Variants in KCNQ5 observed in about 807,000 individuals in gnomAD.
KCNQ5 encodes potassium voltage-gated channel subfamily KQT member 5.
A neutral mutation model predicts 98.2 loss-of-function variants in KCNQ5; 30 were observed. The ratio of observed to expected loss-of-function variants is 0.31; its 90% confidence interval spans 0.23 to 0.41. The LOEUF (loss-of-function observed/expected upper bound fraction) is 0.41, where lower values mean the gene tolerates loss of function less well. Ranked by LOEUF, KCNQ5 falls within the 10% of genes least tolerant of loss-of-function variation. The probability of loss-of-function intolerance (pLI) is 1.00; values close to 1 mark genes in which losing one functional copy is unlikely to be tolerated. For missense variants in KCNQ5, 835 were observed against 1,182.5 expected, an observed-to-expected ratio of 0.71 and a Z score of 4.31; for synonymous variants, 458 against 449.4, an observed-to-expected ratio of 1.02 and a Z score of -0.24.
rs1386640911 is a variant in KCNQ5, at chr6:72,622,406, G to C, written c.217G>C (p.Gly73Arg). 2.0e-6 allele frequency: 3 copies of C among 1,502,598 alleles called. No individual in the cohort carries two copies. The highest frequency in any genetic ancestry group is 1.3e-5 in the South Asian group (1 of 77,512). The allele number at this position is 1,502,598 out of a possible 1,614,324, so 93.1% of individuals were successfully genotyped here. A position where few individuals can be genotyped will look rare whatever the true frequency, so the allele number is the denominator to read the frequency against. The change falls in exon 1 of 14, where the codon GGT becomes CGT. Residue 73 changes from glycine to arginine, a missense_variant. By Grantham distance (125) the Gly-to-Arg change is moderately radical. Transcript: ENST00000370398. This position sits in a 1 kb window ranked among gnomAD's most constrained non-coding sequence, Gnocchi z 6.0. ...CGCGGCCACGCTCGGTGGCGGCGGC[G>C]GTGGCCTGAGGGAGAGCCGCCGGGG... ...TRAATLGGGG[G>R]GLRESRRGKQ...
At position 72,693,168 on chromosome 6, in the gene KCNQ5, T is replaced by C. The variant is rs1328094981; in HGVS notation, c.398+70581T>C. 2.0e-5 allele frequency among the ~76,000 whole-genome samples: 3 copies of C among 151,844 alleles called. No individual in the cohort carries two copies. The East Asian group carries it at 5.8e-4, about 29-fold the overall frequency. On this transcript the variant is annotated intron_variant, in intron 1 of 13. Coordinates refer to ENST00000370398, the MANE Select transcript of KCNQ5 (RefSeq NM_019842.4). ...TGGGTGGGAGAACCCAAAGGAAGCATGTGGAATAAGAAGACAAGCAGGAAG... is the reference window on the plus strand; with the variant it reads ...TGGGTGGGAGAACCCAAAGGAAGCACGTGGAATAAGAAGACAAGCAGGAAG...
chr6:73,072,828 C>T (rs958250476), intron 3 of KCNQ5, among the ~76,000 whole-genome samples: 6 of 152,178 alleles, frequency 3.9e-5, no homozygotes, highest in Non-Finnish European at 8.8e-5. Context: ...TCTTTCTTCA[C>T]TACTTCCCAA....
intron 10 of KCNQ5, chr6:73,135,428 A>C (rs1776427447): frequency 6.7e-6 from 1 of 150,322 alleles, no homozygotes; most frequent in African/African-American, 2.4e-5. Flanking sequence ...AAAAGCCCTC[A>C]GTTTAGAAAA....
intron 1 of KCNQ5, among the ~76,000 whole-genome samples, chr6:72,950,653 A>G (rs78374068): frequency 6.6e-6 from 1 of 152,290 alleles, no homozygotes; most frequent in Non-Finnish European, 1.5e-5. Context: ...GCACACAGGC[A>G]TGAGCAGTCC....
At chr6:72,762,199 TG>T (rs1223481446) in intron 1 of KCNQ5, among the ~76,000 whole-genome samples, 4 of 151,822 alleles carry the variant, frequency 2.6e-5, no homozygotes, top group African/African-American at 9.7e-5. Context: ...GTCAAATATC[TG>T]GGGGGAAGGA....
intron 10 of KCNQ5, among the ~76,000 whole-genome samples, chr6:73,141,634 A>G (rs965794513): frequency 6.6e-6 from 1 of 152,100 alleles, no homozygotes; most frequent in East Asian, 1.9e-4. Context: ...AATGGATTTC[A>G]TCTCCTCCCT....
At chr6:72,713,296 CCT>C (rs1769468396) in intron 1 of KCNQ5, among the ~76,000 whole-genome samples, 1 of 152,142 alleles carries the variant, frequency 6.6e-6, no homozygotes, top group Non-Finnish European at 1.5e-5. Flanking sequence ...TCCTTTTCTT[CCT>C]GCACCACCCT....
Position 72,979,318 on chromosome 6 carries a change from A to C in KCNQ5, c.399-24590A>C, listed in dbSNP as rs553813421. On this transcript the variant is annotated intron_variant, in intron 1 of 13. Transcript: ENST00000370398. ...AGTGTAAAAGTATTCCTATTTCTCCACATCCTCTCCAGCATCTGTTCTTTC... is the reference window on the plus strand; with the variant it reads ...AGTGTAAAAGTATTCCTATTTCTCCCCATCCTCTCCAGCATCTGTTCTTTC... Among the ~76,000 whole-genome samples the C allele has an allele frequency of 1.1e-4, 16 of 152,334 alleles. No homozygotes were observed. The South Asian group carries it at 3.3e-3, about 32-fold the overall frequency.
In KCNQ5 at chr6:72,919,779, C is replaced by T. The variant is rs116627700; in HGVS notation, c.399-84129C>T. Among the ~76,000 whole-genome samples, 545 of 152,266 alleles carry T rather than the reference C, an allele frequency of 3.6e-3. 2 individuals carry two copies. The highest frequency in any genetic ancestry group is 0.014 in the Middle Eastern group (4 of 294). On this transcript the variant is annotated intron_variant, in intron 1 of 13. Coordinates refer to ENST00000370398, the MANE Select transcript of KCNQ5 (RefSeq NM_019842.4). ...AAGTATCAACCAATGTTGAAGGAAG[C>T]CTGCCTTTGGTTATAGACCAATCAT...
chr6:73,083,795 AG>A, intron 5 of KCNQ5, among the ~76,000 whole-genome samples: 1 of 152,354 alleles, frequency 6.6e-6, no homozygotes, highest in Admixed American at 6.5e-5. Context: ...GAGAATAACA[AG>A]GCTGTCTCAT....
intron 1 of KCNQ5, among the ~76,000 whole-genome samples, chr6:72,941,488 CTTCTT>C (rs2150240936): frequency 4.8e-5 from 6 of 123,804 alleles, no homozygotes; most frequent in African/African-American, 1.8e-4. Context: ...CCCTCCCTCC[CTTCTT>C]TCCTTCCTTT....
Position 73,084,760 on chromosome 6 carries a change from G to A in KCNQ5, c.918+6873G>A, listed in dbSNP as rs116536250. 2.6e-3 allele frequency among the ~76,000 whole-genome samples: 403 copies of A among 152,300 alleles called. 2 individuals are homozygous for A. Among genetic ancestry groups the A allele is most frequent in the African/African-American group, 9.2e-3 (383 of 41,562 alleles). ...ATTCCAGAATCTCCCCACTTATTCTGAAGAACGGGTGCCCTTGGGTTCTTG... is the reference window on the plus strand; with the variant it reads ...ATTCCAGAATCTCCCCACTTATTCTAAAGAACGGGTGCCCTTGGGTTCTTG... On this transcript the variant is annotated intron_variant, in intron 5 of 13. Coordinates refer to ENST00000370398, the MANE Select transcript of KCNQ5 (RefSeq NM_019842.4).
chr6:72,834,605 G>A (rs1194532570), intron 1 of KCNQ5, among the ~76,000 whole-genome samples: 1 of 152,146 alleles, frequency 6.6e-6, no homozygotes, highest in Non-Finnish European at 1.5e-5. Context: ...GAAGACTGAA[G>A]CACAATTAAA....
At chr6:72,755,107 T>C (rs1441334830) in intron 1 of KCNQ5, among the ~76,000 whole-genome samples, 3 of 152,052 alleles carry the variant, frequency 2.0e-5, no homozygotes, top group Non-Finnish European at 4.4e-5. Context: ...TTCCTGGTAA[T>C]ATTTCTTGTT....
chr6:72,976,877 C>T (rs1359292736), intron 1 of KCNQ5, among the ~76,000 whole-genome samples: 1 of 152,218 alleles, frequency 6.6e-6, no homozygotes, highest in East Asian at 1.9e-4. Flanking sequence ...TCTCTGTACA[C>T]ATTCAAACCC....
At chr6:72,862,361 C>T (rs1391806156) in intron 1 of KCNQ5, among the ~76,000 whole-genome samples, 1 of 152,158 alleles carries the variant, frequency 6.6e-6, no homozygotes, top group Non-Finnish European at 1.5e-5. Context: ...GCCAAAGATA[C>T]ACTAAGAGCT....
chr6:73,141,347 A>G (rs952886992), intron 10 of KCNQ5, among the ~76,000 whole-genome samples: 2 of 152,118 alleles, frequency 1.3e-5, no homozygotes, highest in Non-Finnish European at 2.9e-5. Flanking sequence ...TTCTGGGGGG[A>G]CACAAACATT....
chr6:73,061,580 G>A (rs1235703990), intron 3 of KCNQ5, among the ~76,000 whole-genome samples: 1 of 152,086 alleles, frequency 6.6e-6, no homozygotes, highest in Non-Finnish European at 1.5e-5. Context: ...TTTACCATAG[G>A]ATTTCCATGT....
intron 1 of KCNQ5, among the ~76,000 whole-genome samples, chr6:72,709,460 T>A (rs1769250197): frequency 6.6e-6 from 1 of 152,230 alleles, no homozygotes; most frequent in African/African-American, 2.4e-5. Flanking sequence ...AACACTCTGA[T>A]GGCGGTTTTA....
Sources: allele counts gnomAD v4.1 joint callset (sites outside exome capture counted in the v4.1 genomes callset), GRCh38; gene constraint gnomAD v4.1.1; non-coding constraint Gnocchi (gnomAD v3.1); transcripts MANE v1.5; gene names NCBI Gene and HGNC (gene_info 2026-07-23, HGNC 2026-07-21).